The following AKAP12 variants were observed in gnomAD, a reference collection of about 807,000 sequenced individuals.
AKAP12 encodes A-kinase anchoring protein 12, also known as A-kinase anchor protein 12.
Under a neutral mutation model 79.9 loss-of-function variants are expected in AKAP12, and 32 were observed. The ratio of observed to expected loss-of-function variants is 0.40; its 90% CI spans 0.30 to 0.54. The LOEUF (loss-of-function observed/expected upper bound fraction) is 0.54. AKAP12 is among the 20% of genes least tolerant of loss of function. The probability of loss-of-function intolerance (pLI) is 0.48; values close to 1 mark genes in which losing one functional copy is unlikely to be tolerated. For missense variants in AKAP12, 2,074 were observed against 2,177.0 expected, an observed-to-expected ratio of 0.95 and a Z score of 0.94; for synonymous variants, 808 against 857.0, an observed-to-expected ratio of 0.94 and a Z score of 1.00.
chr6:151,297,540 T>A (rs1403033109), intron 2 of AKAP12, among the ~76,000 whole-genome samples: 2 of 143,026 alleles, frequency 1.4e-5, no homozygotes, highest in African/African-American at 5.3e-5. Context: ...GCCACTGTAC[T>A]CCAGCCTGGA....
chr6:151,292,108 T>C (rs1304326227), intron 2 of AKAP12, among the ~76,000 whole-genome samples: 1 of 152,244 alleles, frequency 6.6e-6, no homozygotes, highest in Admixed American at 6.5e-5. Context: ...TTTGCTACTT[T>C]TTCATTCTGT....
chr6:151,245,656 C>CAAAAAAAAAAAAAAAAAAAAAAATA (rs10700236), intron 2 of AKAP12, among the ~76,000 whole-genome samples: 1 of 99,138 alleles, frequency 1.0e-5, no homozygotes, highest in African/African-American at 4.0e-5. Context: ...GACTCCGTCT[C>CAAAAAAAAAAAAAAAAAAAAAAATA]AAAAAAAAAA....
At chr6:151,303,052 G>A (rs980756894) in intron 2 of AKAP12, among the ~76,000 whole-genome samples, 1 of 152,274 alleles carries the variant, frequency 6.6e-6, no homozygotes, top group Non-Finnish European at 1.5e-5. Context: ...AATTAGCTGG[G>A]CGCAGTGGCA....
chr6:151,319,570 A>G (rs572545527), intron 3 of AKAP12: 25 of 145,342 alleles, frequency 1.7e-4, no homozygotes, highest in Admixed American at 9.6e-4. Context: ...ATATAGAGAT[A>G]TATCTCCTCT....
chr6:151,291,427 A>G lies in AKAP12; in HGVS notation c.163-14320A>G, dbSNP rs1562723960. ...TCCTGGGCTATGCCAGATCCAGAGAAGCACGGCAGGATCATTACCAGCTAA... is the reference window on the plus strand; with the variant it reads ...TCCTGGGCTATGCCAGATCCAGAGAGGCACGGCAGGATCATTACCAGCTAA... On this transcript the variant is annotated intron_variant, in intron 2 of 4. Transcript: ENST00000402676. Among the ~76,000 whole-genome samples the G allele has an allele frequency of 2.0e-5, 3 of 152,326 alleles. No homozygotes were observed. In the East Asian group the frequency reaches 5.8e-4, roughly 29 times the overall value.
At chr6:151,345,928 TGTGTGA>T (rs60111937) in intron 3 of AKAP12, among the ~76,000 whole-genome samples, 3,410 of 110,278 alleles carry the variant, frequency 0.031, 85 homozygotes, top group African/African-American at 0.1. Flanking sequence ...TGTGTGTGTG[TGTGTGA>T]GAGAGAGAGA....
intron 2 of AKAP12, among the ~76,000 whole-genome samples, chr6:151,281,843 C>T (rs73615428): frequency 0.04 from 6,116 of 151,944 alleles, 406 homozygotes; most frequent in African/African-American, 0.14. Flanking sequence ...ACACCATACC[C>T]TCCCTTCCCC....
chr6:151,280,839 C>A (rs1384584507), intron 2 of AKAP12, among the ~76,000 whole-genome samples: 2 of 151,986 alleles, frequency 1.3e-5, no homozygotes, highest in African/African-American at 4.8e-5. Flanking sequence ...ATATTAGATA[C>A]TTTACGGAAT....
intron 2 of AKAP12, among the ~76,000 whole-genome samples, chr6:151,269,743 G>A (rs909944058): frequency 2.0e-5 from 3 of 152,084 alleles, no homozygotes; most frequent in Non-Finnish European, 2.9e-5. Flanking sequence ...AATAATTCAC[G>A]TACTGTACAA....
intron 2 of AKAP12, among the ~76,000 whole-genome samples, chr6:151,254,266 T>C (rs902802358): frequency 6.6e-6 from 1 of 152,202 alleles, no homozygotes; most frequent in African/African-American, 2.4e-5. Flanking sequence ...AAAAACCCAG[T>C]TGATTGGTTT....
chr6:151,348,501 T>C (rs1167905481), intron 3 of AKAP12: 1 of 618,588 alleles, frequency 1.6e-6, no homozygotes, highest in African/African-American at 1.9e-5. Context: ...TAGCTGGACA[T>C]GGTGGCATGT....
At chr6:151,321,640 A>T (rs1777390203) in intron 3 of AKAP12, among the ~76,000 whole-genome samples, 1 of 152,160 alleles carries the variant, frequency 6.6e-6, no homozygotes, top group African/African-American at 2.4e-5. Flanking sequence ...ATTATGCTGT[A>T]ATGAACATTG....
chr6:151,243,318 T>C (rs10457871), intron 2 of AKAP12, among the ~76,000 whole-genome samples: 56,675 of 152,078 alleles, frequency 0.37, 10,883 homozygotes, highest in Admixed American at 0.42. Flanking sequence ...TAATTAAAGG[T>C]TGTAGGCAGA....
intron 3 of AKAP12, among the ~76,000 whole-genome samples, chr6:151,335,559 C>T (rs1278161578): frequency 1.3e-5 from 2 of 152,196 alleles, no homozygotes; most frequent in Admixed American, 1.3e-4. Flanking sequence ...GCCACCTCCA[C>T]CTCGAAAGTT....
intron 2 of AKAP12, among the ~76,000 whole-genome samples, chr6:151,296,556 C>G (rs545479100): frequency 6.6e-6 from 1 of 152,306 alleles, no homozygotes; most frequent in South Asian, 2.1e-4. Flanking sequence ...GTGGGCGGAT[C>G]ACCTGAGGTC....
intron 3 of AKAP12, 96 bp from the exon 4 acceptor site, chr6:151,348,615 G>A: frequency 2.2e-6 from 2 of 920,458 alleles, no homozygotes; most frequent in Non-Finnish European, 3.2e-6. Flanking sequence ...CTCCAGCCGG[G>A]GCAAGAGAGT....
chr6:151,358,121 T>C lies in AKAP12; in HGVS notation c.*2407T>C, dbSNP rs1377997566. ...ACACCAACAGTAGCATGAAATATAA[T>C]ACTGTTTTATAATTCTAAAGCTGCT... On this transcript the variant is annotated 3_prime_UTR_variant, in exon 5 of 5. Coordinates refer to ENST00000402676, the MANE Select transcript of AKAP12 (RefSeq NM_005100.4). 1.3e-5 allele frequency: 2 copies of C among 152,240 alleles called. No homozygotes were observed. Among genetic ancestry groups the C allele is most frequent in the Admixed American group, 6.5e-5 (1 of 15,284 alleles). 9.4% of individuals were successfully genotyped at this position (152,240 alleles called of 1,614,324 possible).
At chr6:151,300,989 G>A (rs1776853076) in intron 2 of AKAP12, among the ~76,000 whole-genome samples, 1 of 152,132 alleles carries the variant, frequency 6.6e-6, no homozygotes, top group African/African-American at 2.4e-5. Context: ...CAGGGTGGAG[G>A]GATAAAGCTA....
intron 2 of AKAP12, among the ~76,000 whole-genome samples, chr6:151,291,797 T>C (rs1776628407): frequency 6.6e-6 from 1 of 152,248 alleles, no homozygotes; most frequent in African/African-American, 2.4e-5. Context: ...GGAAACTTTC[T>C]TGAGTTTTTT....
Sources: allele counts gnomAD v4.1 joint callset (sites outside exome capture counted in the v4.1 genomes callset), GRCh38; gene constraint gnomAD v4.1.1; transcripts MANE v1.5; gene names NCBI Gene and HGNC (gene_info 2026-07-23, HGNC 2026-07-21).